Variants in ADAMTSL2 observed in about 807,000 individuals in gnomAD.
The protein encoded by ADAMTSL2 is ADAMTS like 2, also known as ADAMTS-like protein 2.
A neutral mutation model predicts 117.0 loss-of-function variants in ADAMTSL2; 55 were observed. That is an observed-to-expected ratio of 0.47 (90% CI 0.38 to 0.59). ADAMTSL2 has a LOEUF of 0.59. Among genes scored for constraint, ADAMTSL2 ranks in the 20% least tolerant of loss-of-function variants. The pLI is 0.00. For synonymous variants in ADAMTSL2, 572 were observed against 566.4 expected, an observed-to-expected ratio of 1.01 and a Z score of -0.14; for missense variants, 1,182 against 1,354.5, an observed-to-expected ratio of 0.87 and a Z score of 2.00.
chr9:133,539,781 C>G lies in ADAMTSL2; in HGVS notation c.320C>G (p.Pro107Arg), dbSNP rs781678847. The change falls in exon 5 of 19, where the codon CCG (proline) becomes CGG (arginine). Residue 107 changes from proline to arginine, a missense_variant. Transcript: ENST00000651351. ...CCCTTCGCTTCCCAGGAGTGTCCGCCGGACGGGAGGAGCTTCCGCGAGGAG... is the reference window on the plus strand; with the variant it reads ...CCCTTCGCTTCCCAGGAGTGTCCGCGGGACGGGAGGAGCTTCCGCGAGGAG... ...YQLCRVQECP[P>R]DGRSFREEQC... 6.8e-7 allele frequency: 1 copy of G among 1,478,850 alleles called. No homozygotes were observed. Among genetic ancestry groups the G allele is most frequent in the Non-Finnish European group, 9.0e-7 (1 of 1,111,832 alleles). The allele number at this position is 1,478,850 out of a possible 1,614,324, so 91.6% of individuals were successfully genotyped here.
chr9:133,570,890 C>G (rs1267124043), intron 17 of ADAMTSL2, among the ~76,000 whole-genome samples: 1 of 152,192 alleles, frequency 6.6e-6, no homozygotes, highest in Non-Finnish European at 1.5e-5. Flanking sequence ...AGGCTTGGCC[C>G]TCTGGGAGCC....
rs142844919 is a variant in ADAMTSL2 at position 133,541,579 on chromosome 9, A to G, written c.682+578A>G. On this transcript the variant is annotated intron_variant, in intron 7 of 18. Transcript: ENST00000651351. ...GTTGGGGTTATAGGCATGAGCCACC[A>G]TACCTGGCTAACACCACACTTTAAA... 3.0e-3 allele frequency among the ~76,000 whole-genome samples: 463 copies of G among 152,302 alleles called. 2 individuals are homozygous for G. Among genetic ancestry groups the G allele is most frequent in the Middle Eastern group, 6.8e-3 (2 of 294 alleles).
chr9:133,569,279 A>AGTGGTTG (rs1831049127), intron 15 of ADAMTSL2, 129 bp from the exon 16 acceptor site: 1 of 834,882 alleles, frequency 1.2e-6, no homozygotes, highest in Admixed American at 2.3e-5. Context: ...TTATTTAAAA[A>AGTGGTTG]GTGGTTACCA....
At position 133,537,577 on chromosome 9, in the gene ADAMTSL2, G is replaced by T. The variant is rs753777057; in HGVS notation, c.233+30G>T. Reference sequence around the variant, plus strand: ...GAGGTTGGGCACGTGGCCCTGAGGGGATGGCATGAGGGCAGGGTAGCGGGC... The same window carrying T: ...GAGGTTGGGCACGTGGCCCTGAGGGTATGGCATGAGGGCAGGGTAGCGGGC... On this transcript the variant is annotated intron_variant, in intron 3 of 18. Transcript: ENST00000651351. The T allele has an allele frequency of 3.0e-6, 4 of 1,335,842 alleles. No individual in the cohort carries two copies. In the African/African-American group the frequency reaches 6.0e-5, roughly 20 times the overall value. The allele number at this position is 1,335,842 out of a possible 1,614,324, so 82.7% of individuals were successfully genotyped here. A position where few individuals can be genotyped will look rare whatever the true frequency, so the allele number is the denominator to read the frequency against.
At chr9:133,547,234 G>C in intron 9 of ADAMTSL2, 21 bp downstream of exon 9, 1 of 1,604,654 alleles carries the variant, frequency 6.2e-7, no homozygotes, top group Non-Finnish European at 8.5e-7. Context: ...CGCAGGCCTT[G>C]GGGGCCCCAG....
intron 12 of ADAMTSL2, among the ~76,000 whole-genome samples, chr9:133,564,653 A>G (rs1249697109): frequency 9.6e-6 from 1 of 104,698 alleles, no homozygotes; most frequent in Non-Finnish European, 2.0e-5. Context: ...AGAGAGGGAG[A>G]GAGGGAGAGA....
rs1158936976 is a variant in ADAMTSL2 at position 133,555,693 on chromosome 9, A to G, written c.1412A>G (p.Asp471Gly). 1.9e-6 allele frequency: 3 copies of G among 1,613,780 alleles called. No individual in the cohort carries two copies. In the African/African-American group the frequency reaches 4.0e-5, roughly 22 times the overall value. Residue 471 changes from aspartate to glycine, a missense_variant, in exon 11 of 19, where the codon GAC (aspartate) becomes GGC (glycine). By Grantham distance (94) the Asp-to-Gly change is moderately conservative. Transcript: ENST00000651351. ...CTGGGCGCAGGCTCTGACTTGAAGGACTTCACCCTCAATGAGACTGTGAAC... is the reference window on the plus strand; with the variant it reads ...CTGGGCGCAGGCTCTGACTTGAAGGGCTTCACCCTCAATGAGACTGTGAAC... ...QLLGAGSDLKDFTLNETVNSI... is the reference protein window; with the variant it reads ...QLLGAGSDLKGFTLNETVNSI...
At chr9:133,537,272 C>A (rs1284275302) in intron 2 of ADAMTSL2, 133 bp from the exon 3 acceptor site, 1 of 1,049,752 alleles carries the variant, frequency 9.5e-7, no homozygotes, top group Non-Finnish European at 1.3e-6. Context: ...CCGAGTGACC[C>A]TGCAAGGGGG....
At chr9:133,545,604 G>A (rs750508197) in intron 8 of ADAMTSL2, among the ~76,000 whole-genome samples, 1 of 152,244 alleles carries the variant, frequency 6.6e-6, no homozygotes, top group African/African-American at 2.4e-5. Context: ...CGAGCGGGGA[G>A]CCGGGCCTCT....
chr9:133,560,034 G>A (rs1276787860), intron 11 of ADAMTSL2, among the ~76,000 whole-genome samples: 4 of 152,196 alleles, frequency 2.6e-5, no homozygotes, highest in East Asian at 1.9e-4. Context: ...ATGCTCACCC[G>A]CTTGCCTAAC....
chr9:133,559,221 C>T (rs1276570996), intron 11 of ADAMTSL2, among the ~76,000 whole-genome samples: 2 of 152,184 alleles, frequency 1.3e-5, no homozygotes, highest in African/African-American at 2.4e-5. Context: ...CCGGGTTCTC[C>T]GTTCCCTGAA....
At chr9:133,539,669 T>TCCCGGCTGC (rs1268337129) in intron 4 of ADAMTSL2, 102 bp from the exon 5 acceptor site, 3 of 1,199,622 alleles carry the variant, frequency 2.5e-6, no homozygotes, top group South Asian at 2.6e-5. Context: ...GTCCCGGCTG[T>TCCCGGCTGC]CCCGGCTGTC....
chr9:133,536,818 TG>T lies in ADAMTSL2; in HGVS notation c.90+18del. ...CGGGTCCACGGTGAGTGGGGTGTTG[TG>T]GTCTGAGGGCCCATGCCAGTCCCCT... On this transcript the variant is annotated intron_variant, in intron 2 of 18. Transcript: ENST00000651351. 6.2e-7 allele frequency: 1 copy of T among 1,614,080 alleles called. No homozygotes were observed. The highest frequency in any genetic ancestry group is 8.5e-7 in the Non-Finnish European group (1 of 1,180,028).
In ADAMTSL2 at chr9:133,570,327, T is replaced by A. The variant is rs1028667311; in HGVS notation, c.2416-4T>A. On this transcript the variant is annotated splice_polypyrimidine_tract_variant and splice_region_variant and intron_variant, in intron 16 of 18. Transcript: ENST00000651351. ...CTGACCCGCTCCCTCTGCCCCGGCC[T>A]CAGTGCAACACCACCTGCGGGCGCG... 5.7e-5 allele frequency: 88 copies of A among 1,542,972 alleles called. No homozygotes were observed. In the South Asian group the frequency reaches 8.1e-4, roughly 14 times the overall value.
At chr9:133,534,674 T>C (rs989806607), upstream of ADAMTSL2, 14 of 1,351,110 alleles carry the variant, frequency 1.0e-5, no homozygotes, top group Non-Finnish European at 1.3e-5. Context: ...GCCTGACAGC[T>C]ATAAAGGCGG....
intron 7 of ADAMTSL2, among the ~76,000 whole-genome samples, chr9:133,543,775 C>T (rs893964570): frequency 1.3e-5 from 2 of 152,258 alleles, no homozygotes; most frequent in African/African-American, 4.8e-5. Context: ...TCTCCTTCTC[C>T]CCAGGCTCCT....
At chr9:133,538,503 C>G in intron 4 of ADAMTSL2, 79 bp downstream of exon 4, 1 of 1,528,292 alleles carries the variant, frequency 6.5e-7, no homozygotes, top group Non-Finnish European at 9.0e-7. Context: ...TTCCAGGTGG[C>G]TCCTGGGCAT....
chr9:133,535,497 G>A (rs1251173447), intron 1 of ADAMTSL2, among the ~76,000 whole-genome samples: 1 of 152,266 alleles, frequency 6.6e-6, no homozygotes, highest in South Asian at 2.1e-4. Context: ...TGCAGGTGCC[G>A]GGCCTGCAAG....
intron 9 of ADAMTSL2, among the ~76,000 whole-genome samples, chr9:133,549,723 G>A (rs1276816193): frequency 1.3e-5 from 2 of 152,218 alleles, no homozygotes; most frequent in East Asian, 1.9e-4. Context: ...ACCCAGCCAG[G>A]ACGGCCACTC....
Sources: allele counts gnomAD v4.1 joint callset (sites outside exome capture counted in the v4.1 genomes callset), GRCh38; gene constraint gnomAD v4.1.1; transcripts MANE v1.5; gene names NCBI Gene and HGNC (gene_info 2026-07-23, HGNC 2026-07-21).